DCC: variants seen among roughly 807,000 people sequenced by gnomAD.
The protein encoded by DCC is netrin receptor DCC.
Under a neutral mutation model 172.5 loss-of-function variants are expected in DCC, and 58 were observed. That is an observed-to-expected ratio of 0.34 (90% CI 0.27 to 0.42). The LOEUF (loss-of-function observed/expected upper bound fraction) is 0.42. DCC is among the 10% of genes least tolerant of loss of function. The pLI is 1.00. For synonymous variants in DCC, 709 were observed against 644.5 expected (o/e 1.10, Z -1.52); for missense variants, 1,740 against 1,791.0 (o/e 0.97, Z 0.51).
chr18:53,112,973 C>T (rs1229232125), intron 7 of DCC, among the ~76,000 whole-genome samples: 1 of 151,474 alleles, frequency 6.6e-6, no homozygotes, highest in Admixed American at 6.6e-5. Context: ...AAACATCATC[C>T]TCTTTCCTTT....
intron 14 of DCC, among the ~76,000 whole-genome samples, chr18:53,328,604 G>C (rs1322046043): frequency 6.6e-6 from 1 of 151,534 alleles, no homozygotes; most frequent in Admixed American, 6.6e-5. Flanking sequence ...GTGTGATCTC[G>C]GCTCACTGCA....
chr18:52,797,671 T>C (rs1295517375), intron 2 of DCC, among the ~76,000 whole-genome samples: 1 of 152,182 alleles, frequency 6.6e-6, no homozygotes, highest in African/African-American at 2.4e-5. Flanking sequence ...CTCAGGCCTC[T>C]GGATGGTGTG....
intron 12 of DCC, among the ~76,000 whole-genome samples, chr18:53,279,152 C>T (rs1429340966): frequency 6.6e-6 from 1 of 152,130 alleles, no homozygotes; most frequent in Non-Finnish European, 1.5e-5. Flanking sequence ...TTGCATTTCT[C>T]TGATGGCCAG....
At chr18:53,179,982 AATG>A (rs1406272121) in intron 9 of DCC, among the ~76,000 whole-genome samples, 1 of 152,222 alleles carries the variant, frequency 6.6e-6, no homozygotes, top group South Asian at 2.1e-4. Flanking sequence ...CAAAATTTGT[AATG>A]ATATTTTGAT....
chr18:52,710,441 CAG>C (rs2036275766), intron 1 of DCC, among the ~76,000 whole-genome samples: 1 of 151,984 alleles, frequency 6.6e-6, no homozygotes, highest in Non-Finnish European at 1.5e-5. Context: ...GATAAAAAAA[CAG>C]AATGTGCAGT....
intron 2 of DCC, among the ~76,000 whole-genome samples, chr18:52,812,310 G>C (rs938891397): frequency 5.3e-5 from 8 of 152,074 alleles, no homozygotes; most frequent in Non-Finnish European, 1.2e-4. Flanking sequence ...CCTTTCCAAT[G>C]ATCAATGTCT....
At chr18:53,054,605 T>C (rs4132357) in intron 5 of DCC, among the ~76,000 whole-genome samples, 41,268 of 151,876 alleles carry the variant, frequency 0.27, 6,057 homozygotes, top group East Asian at 0.38. Flanking sequence ...ATTAGAGAGA[T>C]GGAAAGCTTA....
At chr18:52,735,963 T>C (rs936872843) in intron 1 of DCC, among the ~76,000 whole-genome samples, 2 of 152,212 alleles carry the variant, frequency 1.3e-5, no homozygotes, top group African/African-American at 4.8e-5. Flanking sequence ...AGGCAGTCTA[T>C]ATCAAATATT....
intron 7 of DCC, among the ~76,000 whole-genome samples, chr18:53,154,692 C>A (rs2054700015): frequency 6.6e-6 from 1 of 152,008 alleles, no homozygotes; most frequent in East Asian, 1.9e-4. Flanking sequence ...GAGCGGGGAA[C>A]CCTAGCATGC....
chr18:52,466,088 G>C (rs1598840689), intron 1 of DCC, among the ~76,000 whole-genome samples: 1 of 152,126 alleles, frequency 6.6e-6, no homozygotes, highest in Non-Finnish European at 1.5e-5. Flanking sequence ...TTGATATTCA[G>C]GTGGTTTCAT....
intron 2 of DCC, among the ~76,000 whole-genome samples, chr18:52,866,329 G>A (rs1006103965): frequency 2.0e-5 from 3 of 152,152 alleles, no homozygotes; most frequent in African/African-American, 7.2e-5. Context: ...GTAGCATGAT[G>A]TCTCCAGCTT....
intron 2 of DCC, among the ~76,000 whole-genome samples, chr18:52,893,973 C>G (rs985785458): frequency 6.6e-6 from 1 of 152,108 alleles, no homozygotes; most frequent in Non-Finnish European, 1.5e-5. Flanking sequence ...TCACTGCTTC[C>G]CATTATTTAC....
intron 5 of DCC, among the ~76,000 whole-genome samples, chr18:53,029,823 CTCA>C (rs1184205885): frequency 6.6e-6 from 1 of 152,080 alleles, no homozygotes; most frequent in Non-Finnish European, 1.5e-5. Flanking sequence ...TAGATCAGTC[CTCA>C]TCATCATTCG....
chr18:52,769,626 T>A (rs2037307851), intron 2 of DCC, among the ~76,000 whole-genome samples: 1 of 152,176 alleles, frequency 6.6e-6, no homozygotes, highest in Middle Eastern at 3.2e-3. Context: ...CCTTTACATA[T>A]TGTTGTATCT....
Position 52,709,761 on chromosome 18 carries a change from G to A in DCC, c.92-42293G>A, listed in dbSNP as rs570733330. On this transcript the variant is annotated intron_variant, in intron 1 of 28. Transcript: ENST00000442544. ...TAAAATGAATTTAAAAATGGACTTC[G>A]AAACCATTAGAAAAATGGGGAAATT... 7.9e-5 allele frequency among the ~76,000 whole-genome samples: 12 copies of A among 152,230 alleles called. No individual in the cohort carries two copies. In the South Asian group the frequency reaches 1.0e-3, roughly 13 times the overall value.
intron 1 of DCC, among the ~76,000 whole-genome samples, chr18:52,747,895 A>G (rs1437462262): frequency 6.6e-6 from 1 of 152,204 alleles, no homozygotes; most frequent in Non-Finnish European, 1.5e-5. Context: ...AGCCTTGCCT[A>G]ATGACACGGT....
At chr18:52,781,471 C>A (rs1356305118) in intron 2 of DCC, among the ~76,000 whole-genome samples, 7 of 152,126 alleles carry the variant, frequency 4.6e-5, no homozygotes, top group African/African-American at 1.7e-4. Context: ...GTGTTGAATA[C>A]TTCTATGCAA....
intron 12 of DCC, among the ~76,000 whole-genome samples, chr18:53,289,885 T>C (rs1488612932): frequency 6.6e-6 from 1 of 152,086 alleles, no homozygotes; most frequent in Non-Finnish European, 1.5e-5. Context: ...ACTTCAAAAA[T>C]TTTCCTAAAA....
At chr18:53,288,960 T>C (rs2056966787) in intron 12 of DCC, among the ~76,000 whole-genome samples, 1 of 152,126 alleles carries the variant, frequency 6.6e-6, no homozygotes, top group Admixed American at 6.6e-5. Flanking sequence ...CAGATGGTTG[T>C]GTGGGTTCTG....
Sources: gnomAD v4.1 joint callset for allele counts (sites outside exome capture counted in the v4.1 genomes callset) on GRCh38, gnomAD v4.1.1 for gene constraint, MANE v1.5 for transcripts, NCBI Gene and HGNC (gene_info 2026-07-23, HGNC 2026-07-21) for gene names.